Variants in ARID2 observed in about 807,000 individuals in gnomAD.
The protein encoded by ARID2 is AT-rich interactive domain-containing protein 2.
A neutral mutation model predicts 184.6 loss-of-function variants in ARID2; 32 were observed. The ratio of observed to expected loss-of-function variants is 0.17; its 90% CI spans 0.13 to 0.23. ARID2 has a LOEUF of 0.23. Among genes scored for constraint, ARID2 ranks in the 10% least tolerant of loss-of-function variants. The pLI, the probability that ARID2 is intolerant of heterozygous loss-of-function variation, is 1.00. For missense variants in ARID2, 1,696 were observed against 2,197.6 expected, an observed-to-expected ratio of 0.77 and a Z score of 4.56; for synonymous variants, 836 against 772.6, an observed-to-expected ratio of 1.08 and a Z score of -1.36.
At chr12:45,845,250 TAAAGG>T (rs1943421238) in intron 11 of ARID2, among the ~76,000 whole-genome samples, 1 of 152,162 alleles carries the variant, frequency 6.6e-6, no homozygotes, top group Non-Finnish European at 1.5e-5. Context: ...GTAGAGATGA[TAAAGG>T]GAGGAAGATT....
chr12:45,801,156 C>CA (rs1399037232), intron 3 of ARID2, among the ~76,000 whole-genome samples: 1 of 151,792 alleles, frequency 6.6e-6, no homozygotes. Context: ...ACTAAAAATA[C>CA]AAAAAATTAG....
At position 45,905,048 on chromosome 12, in the gene ARID2, A is replaced by G. The variant is rs1171068813; in HGVS notation, c.5478A>G (p.Glu1826=). 6.2e-7 allele frequency: 1 copy of G among 1,613,754 alleles called. No individual in the cohort carries two copies. The highest frequency in any genetic ancestry group is 1.3e-5 in the African/African-American group (1 of 74,902). The part of the protein sequence containing the change: ...YELNFTVQSK[E]QEKDSEMLQ ...TTAATTTTACAGTTCAGAGTAAGGA[A>G]CAAGAAAAAGACTCAGAAATGCTGC... Residue 1826 remains glutamate, a synonymous_variant, in exon 21 of 21, where the codon GAA becomes GAG. Transcript: ENST00000334344.
chr12:45,736,541 G>C (rs1170737623), intron 3 of ARID2, among the ~76,000 whole-genome samples: 1 of 152,018 alleles, frequency 6.6e-6, no homozygotes, highest in East Asian at 1.9e-4. Flanking sequence ...GGTGCTTATT[G>C]GGTGTTTTCC....
chr12:45,833,288 G>A (rs1943156408), intron 6 of ARID2, among the ~76,000 whole-genome samples: 1 of 152,036 alleles, frequency 6.6e-6, no homozygotes, highest in South Asian at 2.1e-4. Flanking sequence ...ATAAGTCAAG[G>A]AACATCTGTA....
chr12:45,863,965 C>T (rs1226142344), intron 16 of ARID2, among the ~76,000 whole-genome samples: 1 of 151,714 alleles, frequency 6.6e-6, no homozygotes, highest in African/African-American at 2.4e-5. Context: ...AAGCCATCCT[C>T]CCACCTCAGC....
chr12:45,748,919 C>T (rs1257697785), intron 3 of ARID2, among the ~76,000 whole-genome samples: 1 of 152,236 alleles, frequency 6.6e-6, no homozygotes, highest in Non-Finnish European at 1.5e-5. Context: ...GCCATTTGCA[C>T]ATCTGCAATG....
At chr12:45,789,911 G>A (rs1942264272) in intron 3 of ARID2, among the ~76,000 whole-genome samples, 2 of 152,136 alleles carry the variant, frequency 1.3e-5, no homozygotes, top group Admixed American at 1.3e-4. Context: ...GAGGCCAGAA[G>A]TTGGAGAACA....
At chr12:45,844,938 T>C (rs904632210) in intron 11 of ARID2, among the ~76,000 whole-genome samples, 2 of 152,206 alleles carry the variant, frequency 1.3e-5, no homozygotes, top group African/African-American at 2.4e-5. Flanking sequence ...GGAGGTGATA[T>C]TCTCATGCAA....
At chr12:45,856,711 A>G (rs1008386517) in intron 15 of ARID2, among the ~76,000 whole-genome samples, 13 of 152,152 alleles carry the variant, frequency 8.5e-5, no homozygotes, top group African/African-American at 2.9e-4. Context: ...TTAATCAGCT[A>G]TATTAATTTT....
At chr12:45,763,639 C>CAAA (rs940277320) in intron 3 of ARID2, among the ~76,000 whole-genome samples, 1 of 138,798 alleles carries the variant, frequency 7.2e-6, no homozygotes, top group African/African-American at 2.9e-5. Flanking sequence ...GCTGGGACTA[C>CAAA]AAAAAAAAAA....
chr12:45,865,254 T>C (rs1234942450), intron 16 of ARID2, among the ~76,000 whole-genome samples: 1 of 152,156 alleles, frequency 6.6e-6, no homozygotes, highest in Non-Finnish European at 1.5e-5. Flanking sequence ...CTGTACCTTC[T>C]TTCTCCCACA....
chr12:45,853,046 TTTTG>T lies in ARID2; in HGVS notation c.4773+152_4773+155del, dbSNP rs1943586070. 3 of 1,239,944 alleles carry T rather than the reference TTTTG, an allele frequency of 2.4e-6. No individual in the cohort carries two copies. The African/African-American group carries it at 4.6e-5, about 19-fold the overall frequency. The allele number at this position is 1,239,944 out of a possible 1,614,324, so 76.8% of individuals were successfully genotyped here. The stretch of plus-strand genomic sequence containing the variant: ...AACCTGTCCTTTTCTTTTTCTCTGG[TTTTG>T]TAATATTAGTTTTCAATTTTAGCAC... On this transcript the variant is annotated intron_variant, in intron 15 of 20. Coordinates refer to ENST00000334344, the MANE Select transcript of ARID2 (RefSeq NM_152641.4).
intron 6 of ARID2, among the ~76,000 whole-genome samples, chr12:45,831,794 C>T (rs1474607735): frequency 6.6e-6 from 1 of 152,142 alleles, no homozygotes; most frequent in African/African-American, 2.4e-5. Context: ...TCAGTTCTGT[C>T]AGTTTTTACC....
At chr12:45,737,420 G>C (rs1208282162) in intron 3 of ARID2, among the ~76,000 whole-genome samples, 1 of 151,458 alleles carries the variant, frequency 6.6e-6, no homozygotes, top group South Asian at 2.1e-4. Context: ...TCTTTAGACT[G>C]TCTTAAATTC....
At chr12:45,798,552 C>T (rs1565600285) in intron 3 of ARID2, among the ~76,000 whole-genome samples, 1 of 152,086 alleles carries the variant, frequency 6.6e-6, no homozygotes, top group Non-Finnish European at 1.5e-5. Flanking sequence ...GGAGAGTAGG[C>T]TTTTTCAAGC....
In ARID2 at chr12:45,849,601, A is replaced by G. The variant is rs190517410; in HGVS notation, c.1737A>G (p.Thr579=). The part of the protein sequence containing the change: ...KCLRTVFPNH[T]VKRVEDSSSN... ...ACAGAACGGTCTTTCCAAATCATAC[A>G]GTGAAGAGAGTGGAGGATTCCAGTA... Residue 579 remains threonine (T), a synonymous_variant, in exon 14 of 21, where the codon ACA becomes ACG. Transcript: ENST00000334344. 6 of 1,612,414 alleles carry G rather than the reference A, an allele frequency of 3.7e-6. No homozygotes were observed. In the Admixed American group the frequency reaches 5.0e-5, roughly 13 times the overall value.
intron 3 of ARID2, among the ~76,000 whole-genome samples, chr12:45,805,579 G>A (rs1340513663): frequency 2.0e-5 from 3 of 152,002 alleles, no homozygotes; most frequent in African/African-American, 7.2e-5. Context: ...TTAGTCATCT[G>A]TATTGCTACC....
At position 45,905,357 on chromosome 12, in the gene ARID2, A is replaced by G. The variant is rs1225469432; in HGVS notation, c.*279A>G. ...GATGTTTCAGATCTGATAAATCCTGATGGAAACTGGTATGATCAGAATTCA... is the reference window on the plus strand; with the variant it reads ...GATGTTTCAGATCTGATAAATCCTGGTGGAAACTGGTATGATCAGAATTCA... On this transcript the variant is annotated 3_prime_UTR_variant, in exon 21 of 21. Transcript: ENST00000334344. 9.8e-6 allele frequency: 3 copies of G among 306,604 alleles called. No homozygotes were observed. The highest frequency in any genetic ancestry group is 1.8e-5 in the Non-Finnish European group (3 of 165,042). The allele number at this position is 306,604 out of a possible 1,614,324, so 19.0% of individuals were successfully genotyped here. A position where few individuals can be genotyped will look rare whatever the true frequency, so the allele number is the denominator to read the frequency against.
At chr12:45,886,579 C>T (rs1475855329) in intron 16 of ARID2, among the ~76,000 whole-genome samples, 1 of 152,242 alleles carries the variant, frequency 6.6e-6, no homozygotes, top group Non-Finnish European at 1.5e-5. Context: ...CATGAGGGTT[C>T]TGCCCCTGCA....
Sources: allele counts gnomAD v4.1 joint callset (sites outside exome capture counted in the v4.1 genomes callset), GRCh38; gene constraint gnomAD v4.1.1; transcripts MANE v1.5; gene names NCBI Gene and HGNC (gene_info 2026-07-23, HGNC 2026-07-21).